The following KIAA1549L variants were observed in gnomAD, a reference collection of about 807,000 sequenced individuals.
The protein encoded by KIAA1549L is UPF0606 protein KIAA1549L.
KIAA1549L carries 88 observed loss-of-function variants against 160.7 expected under a neutral mutation model. That is an observed-to-expected ratio of 0.55 (90% CI 0.46 to 0.65). The LOEUF is 0.65. Among genes scored for constraint, KIAA1549L ranks in the 30% least tolerant of loss-of-function variants. KIAA1549L has a pLI of 0.00. For synonymous variants in KIAA1549L, 950 were observed against 976.7 expected (o/e 0.97, Z 0.51); for missense variants, 2,258 against 2,437.5 (o/e 0.93, Z 1.55).
chr11:33,552,162 C>G lies in KIAA1549L; in HGVS notation c.3776C>G (p.Thr1259Arg). 6.2e-7 allele frequency: 1 copy of G among 1,612,924 alleles called. No individual in the cohort carries two copies. Among genetic ancestry groups the G allele is most frequent in the Non-Finnish European group, 8.5e-7 (1 of 1,179,492 alleles). ...ATACAGTCCTGCAAGTTTGCTCAGA[C>G]AATGGAACAGAGGCTGCAGAAGGCA... ...DNIQSCKFAQTMEQRLQKAFQ... is the reference protein window; with the variant it reads ...DNIQSCKFAQRMEQRLQKAFQ... Residue 1259 changes from threonine (T) to arginine (R), a missense_variant, in exon 6 of 21, where the codon ACA becomes AGA. Transcript: ENST00000658780.
intron 16 of KIAA1549L, among the ~76,000 whole-genome samples, chr11:33,621,859 G>A (rs1041778645): frequency 3.9e-5 from 6 of 152,176 alleles, no homozygotes; most frequent in South Asian, 2.1e-4. Context: ...TTAAAAATCC[G>A]TGGCAGGAAA....
chr11:33,606,661 G>A lies in KIAA1549L; in HGVS notation c.4900G>A (p.Glu1634Lys). Residue 1634 changes from glutamate (E) to lysine (K), a missense_variant, in exon 14 of 21, where the codon GAG (glutamate) becomes AAG (lysine). This residue lies in a region of KIAA1549L where 1,359 missense variants were observed against 1,546.6 expected (regional missense o/e 0.88). Transcript: ENST00000658780. ...KRNVPASDEE[E>K]GAVLFDNSSK... ...TTCAGTGCCAGCGAGTGACGAAGAG[G>A]AGGGAGCGGTTCTATTTGACAACTC... 6.2e-7 allele frequency: 1 copy of A among 1,613,958 alleles called. No individual in the cohort carries two copies. Among genetic ancestry groups the A allele is most frequent in the South Asian group, 1.1e-5 (1 of 91,076 alleles).
intron 1 of KIAA1549L, among the ~76,000 whole-genome samples, chr11:33,512,628 C>A (rs1853252831): frequency 6.6e-6 from 1 of 152,098 alleles, no homozygotes; most frequent in Non-Finnish European, 1.5e-5. Flanking sequence ...TTCCATGTTG[C>A]CAGGCTGGTC....
intron 15 of KIAA1549L, among the ~76,000 whole-genome samples, chr11:33,616,329 G>A (rs1850806813): frequency 6.6e-6 from 1 of 152,030 alleles, no homozygotes; most frequent in Admixed American, 6.6e-5. Flanking sequence ...CCAAGAGAAC[G>A]CCTCTTTCCT....
intron 1 of KIAA1549L, chr11:33,403,546 A>T (rs1233983226): frequency 6.6e-6 from 1 of 152,106 alleles, no homozygotes; most frequent in Non-Finnish European, 1.5e-5. Flanking sequence ...ACGCACAGAC[A>T]CACAGACACG....
At chr11:33,547,701 G>C (rs1854311638) in intron 3 of KIAA1549L, 63 bp from the exon 4 acceptor site, 1 of 1,020,706 alleles carries the variant, frequency 9.8e-7, no homozygotes, top group Non-Finnish European at 1.5e-6. Context: ...GAGGAGCAGA[G>C]GGCAAGTGAA....
At chr11:33,390,637 C>T (rs886341988) in intron 1 of KIAA1549L, among the ~76,000 whole-genome samples, 1 of 152,220 alleles carries the variant, frequency 6.6e-6, no homozygotes, top group African/African-American at 2.4e-5. Context: ...AGCCTGATCC[C>T]CCTTTCACCA....
intron 20 of KIAA1549L, among the ~76,000 whole-genome samples, chr11:33,661,433 C>T (rs1035951934): frequency 1.3e-5 from 2 of 152,152 alleles, no homozygotes; most frequent in Non-Finnish European, 2.9e-5. Flanking sequence ...CAGGGGATGC[C>T]ACTTATCTAA....
chr11:33,662,055 G>T (rs942536038), intron 20 of KIAA1549L, among the ~76,000 whole-genome samples: 18 of 152,054 alleles, frequency 1.2e-4, no homozygotes, highest in Non-Finnish European at 4.4e-5. Context: ...CGTTAAAAGA[G>T]TATACAATGT....
At chr11:33,453,858 A>G (rs1004067841) in intron 1 of KIAA1549L, among the ~76,000 whole-genome samples, 2 of 152,232 alleles carry the variant, frequency 1.3e-5, no homozygotes, top group African/African-American at 4.8e-5. Flanking sequence ...AGTAAAACAC[A>G]TGATTAGTTC....
intron 1 of KIAA1549L, among the ~76,000 whole-genome samples, chr11:33,409,094 G>T (rs1169243742): frequency 6.6e-6 from 1 of 152,138 alleles, no homozygotes; most frequent in African/African-American, 2.4e-5. Context: ...TAGAGGGAGG[G>T]GGGACAGGTA....
intron 1 of KIAA1549L, among the ~76,000 whole-genome samples, chr11:33,391,978 A>G (rs1043623817): frequency 4.6e-5 from 7 of 152,214 alleles, no homozygotes; most frequent in South Asian, 2.1e-4. Context: ...TGAGACAGCT[A>G]TTATTGTGTT....
intron 1 of KIAA1549L, among the ~76,000 whole-genome samples, chr11:33,429,013 C>G (rs1432118591): frequency 3.9e-5 from 6 of 152,232 alleles, no homozygotes; most frequent in Non-Finnish European, 8.8e-5. Context: ...CTCTTGTCAC[C>G]CAGGCTGGAG....
rs528750190 is a variant in KIAA1549L at position 33,609,936 on chromosome 11, T to C, written c.5249T>C (p.Leu1750Pro). 2 of 1,613,938 alleles carry C rather than the reference T, an allele frequency of 1.2e-6. No individual in the cohort carries two copies. The highest frequency in any genetic ancestry group is 1.7e-5 in the Admixed American group (1 of 60,020). ...MEHVLDPDSE[L>P]CAPFTESKNR... is the part of the protein sequence containing the mutation. The stretch of plus-strand genomic sequence containing the variant: ...CATGTTTTGGATCCAGATTCAGAAC[T>C]CTGTGCTCCATTCACCGAGTCTAAA... The change falls in exon 15 of 21, where the codon CTC becomes CCC. Residue 1750 changes from leucine (L) to proline (P), a missense_variant. Around this residue, in one of 6 missense-constraint regions of KIAA1549L, gnomAD observed 1,359 missense variants for 1,546.6 expected, o/e 0.88. Transcript: ENST00000658780.
At position 33,606,635 on chromosome 11, in the gene KIAA1549L, C is replaced by A; in HGVS notation, c.4880-6C>A. 6.2e-7 allele frequency: 1 copy of A among 1,613,282 alleles called. No homozygotes were observed. Among genetic ancestry groups the A allele is most frequent in the Non-Finnish European group, 8.5e-7 (1 of 1,179,500 alleles). On this transcript the variant is annotated splice_polypyrimidine_tract_variant and splice_region_variant and intron_variant, in intron 13 of 20. Transcript: ENST00000658780. Reference sequence around the variant, plus strand: ...ATAAAATCGATGTGTTTATGTTGTGCTTCAGTGCCAGCGAGTGACGAAGAG... The same window carrying A: ...ATAAAATCGATGTGTTTATGTTGTGATTCAGTGCCAGCGAGTGACGAAGAG...
chr11:33,411,851 A>T (rs1442497006), intron 1 of KIAA1549L, among the ~76,000 whole-genome samples: 1 of 152,088 alleles, frequency 6.6e-6, no homozygotes, highest in African/African-American at 2.4e-5. Context: ...CAAGTTGGAG[A>T]CTCAGGTTCG....
chr11:33,441,479 C>T (rs1289463688), intron 1 of KIAA1549L, among the ~76,000 whole-genome samples: 3 of 110,470 alleles, frequency 2.7e-5, no homozygotes, highest in African/African-American at 1.1e-4. Context: ...AGTTCTAGAT[C>T]CCTGAGGAAT....
At chr11:33,580,495 A>C (rs549283648) in intron 10 of KIAA1549L, among the ~76,000 whole-genome samples, 1 of 150,848 alleles carries the variant, frequency 6.6e-6, no homozygotes, top group African/African-American at 2.4e-5. Flanking sequence ...AATGGCTTGA[A>C]ACTGGGAAGC....
Position 33,583,504 on chromosome 11 carries a change from A to T in KIAA1549L, c.4566+3A>T. 1 of 1,569,846 alleles carries T rather than the reference A, an allele frequency of 6.4e-7. No homozygotes were observed. Among genetic ancestry groups the T allele is most frequent in the Non-Finnish European group, 8.6e-7 (1 of 1,157,298 alleles). On this transcript the variant is annotated splice_donor_region_variant and intron_variant, in intron 11 of 20. Coordinates refer to ENST00000658780, the MANE Select transcript of KIAA1549L (RefSeq NM_012194.3). ...TAAACCTGCCGCAGAGAGCAAAGGT[A>T]TATGGAAGTGGTGGGGAGAGGGGCA...
Sources: allele counts gnomAD v4.1 joint callset (sites outside exome capture counted in the v4.1 genomes callset), GRCh38; gene constraint gnomAD v4.1.1; regional missense constraint gnomAD v4.1.1; transcripts MANE v1.5; gene names NCBI Gene and HGNC (gene_info 2026-07-23, HGNC 2026-07-21).